The following B3GALT1 variants were observed in gnomAD, a reference collection of about 807,000 sequenced individuals.
B3GALT1 encodes the protein beta-1,3-galactosyltransferase 1.
A neutral mutation model predicts 23.2 loss-of-function variants in B3GALT1; 10 were observed. That is an observed-to-expected ratio of 0.43 (90% CI 0.27 to 0.73). The LOEUF (loss-of-function observed/expected upper bound fraction) is 0.73, where lower values mean the gene tolerates loss of function less well. Ranked by LOEUF, B3GALT1 falls within the 30% of genes least tolerant of loss-of-function variation. B3GALT1 has a pLI of 0.21. For missense variants in B3GALT1, 299 were observed against 405.4 expected, an observed-to-expected ratio of 0.74 and a Z score of 2.25; for synonymous variants, 156 against 141.5, an observed-to-expected ratio of 1.10 and a Z score of -0.73.
At chr2:167,782,332 G>A (rs1417848629) in intron 3 of B3GALT1, among the ~76,000 whole-genome samples, 6 of 152,160 alleles carry the variant, frequency 3.9e-5, no homozygotes, top group African/African-American at 1.4e-4. Flanking sequence ...CTGGGTGGGT[G>A]TGCAGGGTTG....
chr2:167,332,175 G>A (rs149922153), intron 1 of B3GALT1, among the ~76,000 whole-genome samples: 1 of 152,122 alleles, frequency 6.6e-6, no homozygotes, highest in Non-Finnish European at 1.5e-5. Flanking sequence ...CCCATGGCTA[G>A]GATTATAGGA....
intron 1 of B3GALT1, among the ~76,000 whole-genome samples, chr2:167,454,463 A>T (rs1306523004): frequency 1.3e-5 from 2 of 152,232 alleles, no homozygotes; most frequent in East Asian, 3.9e-4. Flanking sequence ...AAAAGAAAAG[A>T]AAGAGGAGTC....
At chr2:167,642,423 A>G (rs1386918480) in intron 2 of B3GALT1, among the ~76,000 whole-genome samples, 2 of 152,174 alleles carry the variant, frequency 1.3e-5, no homozygotes, top group African/African-American at 4.8e-5. Context: ...TAGTTGAAAT[A>G]ATTTTATTTT....
At chr2:167,395,880 G>A (rs539624101) in intron 1 of B3GALT1, among the ~76,000 whole-genome samples, 1 of 152,180 alleles carries the variant, frequency 6.6e-6, no homozygotes, top group African/African-American at 2.4e-5. Flanking sequence ...ATACATTGCT[G>A]GTTAATAACT....
chr2:167,302,936 A>G (rs1574024415), intron 1 of B3GALT1, among the ~76,000 whole-genome samples: 1 of 152,232 alleles, frequency 6.6e-6, no homozygotes, highest in South Asian at 2.1e-4. Context: ...GGGTTTGGGC[A>G]GAGAAATAAA....
intron 4 of B3GALT1, among the ~76,000 whole-genome samples, chr2:167,844,484 A>T (rs1231073535): frequency 6.6e-6 from 1 of 152,178 alleles, no homozygotes; most frequent in Non-Finnish European, 1.5e-5. Flanking sequence ...CCCCTACTGG[A>T]GAAACTAAAG....
intron 1 of B3GALT1, among the ~76,000 whole-genome samples, chr2:167,476,939 C>T (rs184612852): frequency 1.3e-5 from 2 of 152,172 alleles, no homozygotes; most frequent in East Asian, 1.9e-4. Context: ...ATTGAAGTTC[C>T]GTAAATAATT....
intron 2 of B3GALT1, among the ~76,000 whole-genome samples, chr2:167,612,326 A>G (rs569916860): frequency 6.6e-6 from 1 of 151,596 alleles, no homozygotes; most frequent in Non-Finnish European, 1.5e-5. Context: ...TCTTTTGCCT[A>G]AAACCAGGAG....
intron 3 of B3GALT1, among the ~76,000 whole-genome samples, chr2:167,722,428 A>G (rs182291683): frequency 6.6e-6 from 1 of 152,358 alleles, no homozygotes; most frequent in Admixed American, 6.5e-5. Flanking sequence ...CATTGACCAC[A>G]GTTTTCAACT....
chr2:167,586,848 G>C (rs1684592684), intron 2 of B3GALT1, among the ~76,000 whole-genome samples: 1 of 152,072 alleles, frequency 6.6e-6, no homozygotes, highest in Non-Finnish European at 1.5e-5. Context: ...CTATTCAAAA[G>C]AAACTAAAAC....
chr2:167,503,696 A>G (rs1488095184), intron 2 of B3GALT1, among the ~76,000 whole-genome samples: 1 of 152,150 alleles, frequency 6.6e-6, no homozygotes, highest in Non-Finnish European at 1.5e-5. Context: ...CATTCTTCAT[A>G]TCAGCACTGA....
At chr2:167,574,404 A>G (rs1684348897) in intron 2 of B3GALT1, among the ~76,000 whole-genome samples, 1 of 151,756 alleles carries the variant, frequency 6.6e-6, no homozygotes, top group Non-Finnish European at 1.5e-5. Context: ...AAGACAAAGT[A>G]GGGACCATTT....
At chr2:167,588,576 A>G (rs1399248393) in intron 2 of B3GALT1, among the ~76,000 whole-genome samples, 1 of 152,150 alleles carries the variant, frequency 6.6e-6, no homozygotes, top group Non-Finnish European at 1.5e-5. Flanking sequence ...TATCAGATTC[A>G]GTAGCATCTC....
chr2:167,438,901 T>C (rs536053038), intron 1 of B3GALT1, among the ~76,000 whole-genome samples: 52 of 152,296 alleles, frequency 3.4e-4, no homozygotes, highest in South Asian at 1.2e-3. Context: ...AGGAAGTGAC[T>C]ATTTCCCCCT....
intron 1 of B3GALT1, among the ~76,000 whole-genome samples, chr2:167,350,208 A>C (rs1231511732): frequency 6.6e-6 from 1 of 152,204 alleles, no homozygotes; most frequent in Non-Finnish European, 1.5e-5. Flanking sequence ...ACTCATTTAC[A>C]GTGGGCTTTT....
intron 2 of B3GALT1, among the ~76,000 whole-genome samples, chr2:167,633,466 G>C (rs1277837350): frequency 6.7e-6 from 1 of 149,694 alleles, no homozygotes; most frequent in African/African-American, 2.5e-5. Flanking sequence ...AGAAATGGAG[G>C]AATATTTACC....
At chr2:167,311,208 T>C (rs1186065333) in intron 1 of B3GALT1, among the ~76,000 whole-genome samples, 1 of 152,100 alleles carries the variant, frequency 6.6e-6, no homozygotes, top group East Asian at 1.9e-4. Flanking sequence ...ACACAGAATG[T>C]TATTGTGTAC....
intron 2 of B3GALT1, among the ~76,000 whole-genome samples, chr2:167,631,732 C>CCT (rs72124360): frequency 0.085 from 12,046 of 140,890 alleles, 1,763 homozygotes; most frequent in African/African-American, 0.3. Context: ...AGCTTTCTTT[C>CCT]CTCTCTCTCT....
intron 3 of B3GALT1, among the ~76,000 whole-genome samples, chr2:167,772,367 A>T (rs1688087835): frequency 6.6e-6 from 1 of 152,208 alleles, no homozygotes; most frequent in Non-Finnish European, 1.5e-5. Flanking sequence ...TTCTCATAAC[A>T]ACCCTGTGAA....
Sources: allele counts gnomAD v4.1 joint callset (sites outside exome capture counted in the v4.1 genomes callset), GRCh38; gene constraint gnomAD v4.1.1; transcripts MANE v1.5; gene names NCBI Gene and HGNC (gene_info 2026-07-23, HGNC 2026-07-21).